RGS7BP: variants seen among roughly 807,000 people sequenced by gnomAD.
The protein encoded by RGS7BP is regulator of G protein signaling 7 binding protein, also known as regulator of G protein signaling 7-binding protein.
In RGS7BP, 9 loss-of-function variants were observed where a neutral mutation model predicts 31.3. That is an observed-to-expected ratio of 0.29 (90% CI 0.17 to 0.50). RGS7BP has a LOEUF of 0.50. Among genes scored for constraint, RGS7BP ranks in the 20% least tolerant of loss-of-function variants. The pLI, the probability that RGS7BP is intolerant of heterozygous loss-of-function variation, is 0.98. For synonymous variants in RGS7BP, 115 were observed against 120.1 expected (o/e 0.96, Z 0.28); for missense variants, 274 against 322.0 (o/e 0.85, Z 1.14).
chr5:64,510,135 G>A (rs1019183298), intron 2 of RGS7BP, among the ~76,000 whole-genome samples: 1 of 152,168 alleles, frequency 6.6e-6, no homozygotes, highest in Non-Finnish European at 1.5e-5. Context: ...GAAATTTAGA[G>A]AGAAGAACTG....
chr5:64,510,341 T>C (rs1324894023), intron 2 of RGS7BP, among the ~76,000 whole-genome samples: 2 of 152,206 alleles, frequency 1.3e-5, no homozygotes, highest in African/African-American at 4.8e-5. Context: ...TTTTCCTCTA[T>C]ATAATGCTGC....
chr5:64,507,166 C>A (rs1220679901), intron 1 of RGS7BP, among the ~76,000 whole-genome samples: 1 of 152,198 alleles, frequency 6.6e-6, no homozygotes, highest in Non-Finnish European at 1.5e-5. Context: ...CCAAATACAG[C>A]GCACGGGGCG....
intron 2 of RGS7BP, among the ~76,000 whole-genome samples, chr5:64,546,582 G>A (rs1301984480): frequency 6.6e-6 from 1 of 152,144 alleles, no homozygotes; most frequent in Non-Finnish European, 1.5e-5. Flanking sequence ...ATGGGGAGGT[G>A]AGAATCAAAG....
At chr5:64,507,522 A>G (rs1044455481) in intron 1 of RGS7BP, among the ~76,000 whole-genome samples, 189 bp from the exon 2 acceptor site, 7 of 152,152 alleles carry the variant, frequency 4.6e-5, no homozygotes, top group African/African-American at 1.7e-4. Context: ...ATGGAAATAA[A>G]TACTTGCCTT....
chr5:64,569,209 C>T (rs566859436), intron 2 of RGS7BP, among the ~76,000 whole-genome samples: 1 of 152,210 alleles, frequency 6.6e-6, no homozygotes, highest in African/African-American at 2.4e-5. Context: ...CATGAAACAA[C>T]ATGCTGTGAA....
chr5:64,541,219 A>T (rs1484890120), intron 2 of RGS7BP, among the ~76,000 whole-genome samples: 1 of 151,986 alleles, frequency 6.6e-6, no homozygotes, highest in Non-Finnish European at 1.5e-5. Context: ...GAGAGAGGGG[A>T]GGGGGAGGTC....
intron 2 of RGS7BP, among the ~76,000 whole-genome samples, chr5:64,574,690 T>C (rs755637343): frequency 2.4e-4 from 36 of 152,322 alleles, no homozygotes; most frequent in Non-Finnish European, 4.4e-4. Context: ...GAAAAGTAAT[T>C]ATCATTGTAA....
intron 2 of RGS7BP, among the ~76,000 whole-genome samples, chr5:64,538,759 T>TTGGCCAGGC (rs967113987): frequency 1.3e-5 from 2 of 151,894 alleles, no homozygotes; most frequent in African/African-American, 4.8e-5. Flanking sequence ...TTTCGCCAGG[T>TTGGCCAGGC]TGGCCAGGCT....
chr5:64,599,147 T>C (rs1425951413), intron 5 of RGS7BP, among the ~76,000 whole-genome samples: 1 of 152,202 alleles, frequency 6.6e-6, no homozygotes, highest in African/African-American at 2.4e-5. Context: ...ATAACACCTG[T>C]CACAATCGAT....
chr5:64,566,358 G>C (rs557184920), intron 2 of RGS7BP, among the ~76,000 whole-genome samples: 2 of 152,250 alleles, frequency 1.3e-5, no homozygotes, highest in South Asian at 4.1e-4. Flanking sequence ...CATCTTGTAA[G>C]TTAGGTGCAG....
chr5:64,568,072 G>T (rs1409929290), intron 2 of RGS7BP, among the ~76,000 whole-genome samples: 1 of 151,426 alleles, frequency 6.6e-6, no homozygotes, highest in Non-Finnish European at 1.5e-5. Flanking sequence ...ATAATATATA[G>T]ATATAAATAG....
chr5:64,507,648 G>A lies in RGS7BP; in HGVS notation c.166-63G>A, dbSNP rs775539920. On this transcript the variant is annotated intron_variant, in intron 1 of 5. Transcript: ENST00000334025. ...GTGAAAGCCCCTGTTTATGTACTCC[G>A]AAACAGGAAACTTTCTGATGAGAAA... 2.0e-5 allele frequency: 30 copies of A among 1,483,666 alleles called. 1 individual carries two copies. Among genetic ancestry groups the A allele is most frequent in the African/African-American group, 4.2e-5 (3 of 70,762 alleles). The allele number at this position is 1,483,666 out of a possible 1,614,324, so 91.9% of individuals were successfully genotyped here. A position where few individuals can be genotyped will look rare whatever the true frequency, so the allele number is the denominator to read the frequency against.
chr5:64,605,415 A>G (rs1331524397), intron 5 of RGS7BP, among the ~76,000 whole-genome samples: 1 of 152,060 alleles, frequency 6.6e-6, no homozygotes, highest in Non-Finnish European at 1.5e-5. Flanking sequence ...ACTAGCAGCA[A>G]TGTCTGGGAA....
At chr5:64,523,492 T>A (rs1290250313) in intron 2 of RGS7BP, among the ~76,000 whole-genome samples, 3 of 152,228 alleles carry the variant, frequency 2.0e-5, no homozygotes, top group African/African-American at 7.2e-5. Flanking sequence ...CACCTGCTTG[T>A]TTGTTCAGAA....
intron 3 of RGS7BP, among the ~76,000 whole-genome samples, chr5:64,576,791 G>A (rs1742443887): frequency 6.6e-6 from 1 of 152,190 alleles, no homozygotes; most frequent in African/African-American, 2.4e-5. Flanking sequence ...CACAGAGGAA[G>A]CCAAAAGTAT....
intron 2 of RGS7BP, among the ~76,000 whole-genome samples, chr5:64,566,829 C>T (rs1168938198): frequency 6.6e-6 from 1 of 152,070 alleles, no homozygotes; most frequent in African/African-American, 2.4e-5. Context: ...ACCTATCCTG[C>T]TTCAGAGCCT....
chr5:64,548,541 G>A (rs999540657), intron 2 of RGS7BP, among the ~76,000 whole-genome samples: 2 of 152,066 alleles, frequency 1.3e-5, no homozygotes, highest in African/African-American at 2.4e-5. Flanking sequence ...ATGGAGTCTC[G>A]CTCTGTCACC....
At chr5:64,579,543 C>CAAAAAA (rs34003776) in intron 3 of RGS7BP, among the ~76,000 whole-genome samples, 25 of 53,302 alleles carry the variant, frequency 4.7e-4, no homozygotes, top group South Asian at 1.2e-3. Flanking sequence ...GACTCCATCT[C>CAAAAAA]AAAAAAAAAA....
intron 2 of RGS7BP, among the ~76,000 whole-genome samples, chr5:64,543,514 C>T (rs1741577869): frequency 6.6e-6 from 1 of 151,714 alleles, no homozygotes; most frequent in African/African-American, 2.4e-5. Flanking sequence ...TCACTCAAGA[C>T]AGCTCCCTCT....
Sources: gnomAD v4.1 joint callset for allele counts (sites outside exome capture counted in the v4.1 genomes callset) on GRCh38, gnomAD v4.1.1 for gene constraint, MANE v1.5 for transcripts, NCBI Gene and HGNC (gene_info 2026-07-23, HGNC 2026-07-21) for gene names.